The following DPYD variants were observed in gnomAD, a reference collection of about 807,000 sequenced individuals.
DPYD encodes the protein dihydropyrimidine dehydrogenase [NADP(+)].
In DPYD, 109 loss-of-function variants were observed where a neutral mutation model predicts 116.2. That is an observed-to-expected ratio of 0.94 (90% confidence interval 0.80 to 1.10). The LOEUF is 1.10. DPYD is among the 50% of genes least tolerant of loss of function. The pLI is 0.00. For synonymous variants in DPYD, 440 were observed against 432.0 expected (o/e 1.02, Z -0.23); for missense variants, 1,302 against 1,254.5 (o/e 1.04, Z -0.57).
At chr1:97,527,363 C>T (rs559627584) in intron 12 of DPYD, among the ~76,000 whole-genome samples, 3 of 152,222 alleles carry the variant, frequency 2.0e-5, no homozygotes, top group East Asian at 3.9e-4. Flanking sequence ...AGGCGTGAGC[C>T]ACCATGCCCA....
chr1:97,549,709 A>AT lies in DPYD; in HGVS notation c.1374dup (p.Trp459MetfsTer14). 1 of 1,613,774 alleles carries AT rather than the reference A, an allele frequency of 6.2e-7. No homozygotes were observed. Among genetic ancestry groups the AT allele is most frequent in the Non-Finnish European group, 8.5e-7 (1 of 1,179,828 alleles). ...TCTGGATCTACTTCTGGGAGACCCC[A>AT]TCTGTTAAATTTTATAGGGCTCAAG... On this transcript the variant is annotated frameshift_variant, in exon 12 of 23. Coordinates refer to ENST00000370192, the MANE Select transcript of DPYD (RefSeq NM_000110.4). LOFTEE classifies it high-confidence loss of function.
chr1:97,625,757 C>A (rs1293720412), intron 8 of DPYD, among the ~76,000 whole-genome samples: 1 of 151,986 alleles, frequency 6.6e-6, no homozygotes, highest in Non-Finnish European at 1.5e-5. Context: ...TGAACTCAGA[C>A]TTCCTGCCTC....
chr1:97,807,121 A>G (rs1004542401), intron 3 of DPYD, among the ~76,000 whole-genome samples: 1 of 152,072 alleles, frequency 6.6e-6, no homozygotes, highest in African/African-American at 2.4e-5. Flanking sequence ...TGCAGTAAAC[A>G]TCCGTGTGCA....
At chr1:97,805,443 T>C (rs1172676645) in intron 3 of DPYD, among the ~76,000 whole-genome samples, 3 of 151,762 alleles carry the variant, frequency 2.0e-5, no homozygotes. Context: ...AGAAAGTAAA[T>C]TATTTTAAAA....
chr1:97,787,419 G>A (rs1667100700), intron 3 of DPYD, among the ~76,000 whole-genome samples: 2 of 152,192 alleles, frequency 1.3e-5, no homozygotes, highest in Admixed American at 6.5e-5. Context: ...TTTCTAGCCT[G>A]CATTTAGAAT....
chr1:97,353,574 A>G (rs1352775246), intron 16 of DPYD, among the ~76,000 whole-genome samples: 6 of 152,120 alleles, frequency 3.9e-5, no homozygotes, highest in Non-Finnish European at 8.8e-5. Flanking sequence ...ATGGATTTTA[A>G]ACATAAAATC....
At chr1:97,579,070 A>C (rs1253128634) in intron 10 of DPYD, among the ~76,000 whole-genome samples, 2 of 152,222 alleles carry the variant, frequency 1.3e-5, no homozygotes, top group Admixed American at 1.3e-4. Context: ...CTTTATGTCC[A>C]AGAGTGATAT....
At chr1:97,749,855 G>C (rs958848681) in intron 3 of DPYD, among the ~76,000 whole-genome samples, 3 of 151,886 alleles carry the variant, frequency 2.0e-5, no homozygotes, top group Admixed American at 6.6e-5. Flanking sequence ...CACAGACCTT[G>C]ATGACAGTAC....
chr1:97,433,436 C>T (rs1344404219), intron 14 of DPYD, among the ~76,000 whole-genome samples: 1 of 152,138 alleles, frequency 6.6e-6, no homozygotes, highest in Non-Finnish European at 1.5e-5. Flanking sequence ...CACCATTTCT[C>T]CAGGGAGCAA....
chr1:97,208,719 A>G (rs1659835257), intron 19 of DPYD, among the ~76,000 whole-genome samples: 1 of 152,090 alleles, frequency 6.6e-6, no homozygotes, highest in Non-Finnish European at 1.5e-5. Context: ...TTTCACATTC[A>G]ATTATCAAAC....
At chr1:97,317,450 A>G (rs1570501461) in intron 16 of DPYD, among the ~76,000 whole-genome samples, 1 of 151,990 alleles carries the variant, frequency 6.6e-6, no homozygotes, top group African/African-American at 2.4e-5. Flanking sequence ...TTCATTTTGG[A>G]TAAGGGCAAG....
At chr1:97,827,022 A>G (rs1669273038) in intron 3 of DPYD, among the ~76,000 whole-genome samples, 2 of 152,112 alleles carry the variant, frequency 1.3e-5, no homozygotes, top group Non-Finnish European at 2.9e-5. Context: ...GGTTTTAAAT[A>G]GAAGTGGCTT....
intron 3 of DPYD, among the ~76,000 whole-genome samples, chr1:97,813,636 T>TA (rs1255802817): frequency 2.0e-5 from 3 of 152,096 alleles, no homozygotes; most frequent in African/African-American, 4.8e-5. Flanking sequence ...GGAAGATCTC[T>TA]AAATAAAATT....
chr1:97,720,525 T>C (rs905980657), intron 5 of DPYD: 4 of 1,015,092 alleles, frequency 3.9e-6, no homozygotes, highest in Non-Finnish European at 4.7e-6. Flanking sequence ...TTGTTTTTAT[T>C]TTCTTATTCC....
At chr1:97,484,069 A>T (rs375584441) in intron 13 of DPYD, among the ~76,000 whole-genome samples, 1 of 152,060 alleles carries the variant, frequency 6.6e-6, no homozygotes, top group Non-Finnish European at 1.5e-5. Flanking sequence ...CTTTGGGAGG[A>T]CGAGGTGGGC....
chr1:97,861,252 AAGCTGAGTAT>A (rs1265159310), intron 2 of DPYD, among the ~76,000 whole-genome samples: 1 of 152,002 alleles, frequency 6.6e-6, no homozygotes, highest in East Asian at 1.9e-4. Flanking sequence ...CAGAAACAGT[AAGCTGAGTAT>A]AGCAAAAGAA....
chr1:97,081,609 T>G (rs1391450080), intron 22 of DPYD, among the ~76,000 whole-genome samples: 2 of 152,014 alleles, frequency 1.3e-5, no homozygotes, highest in African/African-American at 2.4e-5. Flanking sequence ...AAGAAGCAAA[T>G]TATAAGCCAA....
chr1:97,633,952 G>A (rs576097421), intron 8 of DPYD, among the ~76,000 whole-genome samples: 3 of 152,112 alleles, frequency 2.0e-5, no homozygotes, highest in Non-Finnish European at 4.4e-5. Flanking sequence ...TAGGGAGGGA[G>A]AGCCTTCACA....
intron 14 of DPYD, among the ~76,000 whole-genome samples, chr1:97,398,338 G>A (rs1181281086): frequency 6.6e-6 from 1 of 152,086 alleles, no homozygotes; most frequent in East Asian, 1.9e-4. Flanking sequence ...TCTTAATCCA[G>A]TCTATCATTG....
Sources: allele counts gnomAD v4.1 joint callset (sites outside exome capture counted in the v4.1 genomes callset), GRCh38; gene constraint gnomAD v4.1.1; transcripts MANE v1.5; gene names NCBI Gene and HGNC (gene_info 2026-07-23, HGNC 2026-07-21).